The following EDA variants were observed in gnomAD, a reference collection of about 807,000 sequenced individuals.
The protein encoded by EDA is ectodysplasin A, also known as ectodysplasin-A.
EDA carries 2 observed loss-of-function variants against 23.6 expected under a neutral mutation model. That is an observed-to-expected ratio of 0.08 (90% CI 0.03 to 0.27). The LOEUF (loss-of-function observed/expected upper bound fraction) is 0.27. Ranked by LOEUF, EDA falls within the 10% of genes least tolerant of loss-of-function variation. The pLI is 1.00. For synonymous variants in EDA, 131 were observed against 132.0 expected (o/e 0.99, Z 0.05); for missense variants, 229 against 324.2 (o/e 0.71, Z 2.26).
intron 1 of EDA, among the ~76,000 whole-genome samples, chrX:69,679,605 T>C (rs1257848430): frequency 1.8e-5 from 2 of 112,054 alleles, no homozygotes; most frequent in Admixed American, 9.5e-5. Context: ...AGTGTATTTG[T>C]GTAGAGGTGT....
intron 2 of EDA, among the ~76,000 whole-genome samples, chrX:70,021,175 GT>G (rs981538803): frequency 8.9e-6 from 1 of 111,903 alleles, no homozygotes; most frequent in African/African-American, 3.3e-5. Flanking sequence ...CTATTCAACT[GT>G]AAGTTCTTGA....
intron 1 of EDA, among the ~76,000 whole-genome samples, chrX:69,789,563 G>A (rs572590818): frequency 2.7e-5 from 3 of 111,519 alleles, no homozygotes; most frequent in South Asian, 3.8e-4. Context: ...AAGCAATTTC[G>A]GGCTAAATTC....
At chrX:69,622,192 A>G (rs1319438763) in intron 1 of EDA, among the ~76,000 whole-genome samples, 2 of 112,277 alleles carry the variant, frequency 1.8e-5, no homozygotes, top group Non-Finnish European at 3.8e-5. Context: ...ATTATTATAC[A>G]TGTCTTTTGG....
chrX:69,676,479 T>A (rs1242751085), intron 1 of EDA, among the ~76,000 whole-genome samples: 4 of 89,786 alleles, frequency 4.5e-5, no homozygotes, highest in Non-Finnish European at 8.3e-5. Context: ...GAAGAATGAG[T>A]TTTTCTGTGT....
chrX:69,831,105 T>C (rs1202700218), intron 1 of EDA, among the ~76,000 whole-genome samples: 1 of 111,822 alleles, frequency 8.9e-6, no homozygotes, highest in East Asian at 2.8e-4. Flanking sequence ...AGGGTACATG[T>C]GCACAACGTA....
chrX:69,749,924 T>C lies in EDA; in HGVS notation c.396+133220T>C, dbSNP rs1327641334. On this transcript the variant is annotated intron_variant, in intron 1 of 7. Transcript: ENST00000374552. ...AGAAACTTCCTCTCACTAAGGTTCT[T>C]TTTTTTTTTTTTTTTTTTTTTTTTT... Among the ~76,000 whole-genome samples the C allele has an allele frequency of 4.3e-3, 225 of 52,378 alleles. 29 individuals are homozygous for C. Among genetic ancestry groups the C allele is most frequent in the South Asian group, 7.9e-3 (9 of 1,136 alleles). 45.5% of individuals were successfully genotyped at this position (52,378 alleles called of 115,157 possible). A position where few individuals can be genotyped will look rare whatever the true frequency, so the allele number is the denominator to read the frequency against.
chrX:69,800,950 G>T (rs1330597713), intron 1 of EDA, among the ~76,000 whole-genome samples: 1 of 111,127 alleles, frequency 9.0e-6, no homozygotes, highest in Non-Finnish European at 1.9e-5. Context: ...ATACTTGGAA[G>T]GTCATGCACA....
chrX:69,708,147 A>G (rs1259263483), intron 1 of EDA, among the ~76,000 whole-genome samples: 1 of 112,112 alleles, frequency 8.9e-6, no homozygotes, highest in Non-Finnish European at 1.9e-5. Context: ...TAAATTTAAC[A>G]GAGTTTAATT....
chrX:69,824,595 T>G (rs2016351348), intron 1 of EDA, among the ~76,000 whole-genome samples: 1 of 105,534 alleles, frequency 9.5e-6, no homozygotes. Context: ...AAGGAGATTT[T>G]GGGCTGAGAC....
At chrX:69,894,168 C>T (rs899697704) in intron 1 of EDA, among the ~76,000 whole-genome samples, 1 of 111,686 alleles carries the variant, frequency 9.0e-6, no homozygotes, top group East Asian at 2.8e-4. Flanking sequence ...AATAGGGAGT[C>T]TTTCCCCCAT....
chrX:70,028,925 T>C (rs1404434854), intron 4 of EDA, among the ~76,000 whole-genome samples: 1 of 112,688 alleles, frequency 8.9e-6, no homozygotes, highest in Non-Finnish European at 1.9e-5. Context: ...TCAGATTCTT[T>C]AACTTGTACT....
chrX:69,724,046 T>C (rs2012696223), intron 1 of EDA, among the ~76,000 whole-genome samples: 1 of 112,014 alleles, frequency 8.9e-6, no homozygotes, highest in African/African-American at 3.3e-5. Flanking sequence ...AGAAATATAA[T>C]TGAAATGGCA....
rs2020283162 is a variant in EDA at position 70,037,596 on chromosome X, C to A, written c.*1987C>A. ...ACCAGTTTAAGCCGCAGACCTGGAGCTTCAGCCAGGTCTGACTCCAAAGCT... is the reference window on the plus strand; with the variant it reads ...ACCAGTTTAAGCCGCAGACCTGGAGATTCAGCCAGGTCTGACTCCAAAGCT... On this transcript the variant is annotated 3_prime_UTR_variant, in exon 8 of 8. Coordinates refer to ENST00000374552, the MANE Select transcript of EDA (RefSeq NM_001399.5). 1 of 111,917 alleles carries A rather than the reference C, an allele frequency of 8.9e-6. No individual in the cohort carries two copies. The highest frequency in any genetic ancestry group is 1.9e-5 in the Non-Finnish European group (1 of 53,166). The allele number at this position is 111,917 out of a possible 1,213,427, so 9.2% of individuals were successfully genotyped here.
At chrX:69,747,953 GTGAGAGAAAA>G (rs1479606310) in intron 1 of EDA, among the ~76,000 whole-genome samples, 1 of 111,273 alleles carries the variant, frequency 9.0e-6, no homozygotes, top group African/African-American at 3.3e-5. Flanking sequence ...AAGGAGGGCA[GTGAGAGAAAA>G]TGAGAGAAAT....
intron 1 of EDA, among the ~76,000 whole-genome samples, chrX:69,757,853 C>T (rs1439023133): frequency 8.9e-6 from 1 of 112,234 alleles, no homozygotes; most frequent in African/African-American, 3.2e-5. Flanking sequence ...TATACCTGTC[C>T]TAATATATTT....
intron 1 of EDA, among the ~76,000 whole-genome samples, chrX:69,700,346 T>C (rs1460093115): frequency 4.5e-5 from 5 of 111,015 alleles, no homozygotes; most frequent in African/African-American, 1.6e-4. Flanking sequence ...GGCAAAGAGG[T>C]CTTGAGAATC....
Position 70,033,393 on chromosome X carries a change from C to T in EDA, c.794-5C>T. ...ACTGAGTGACTGCCCTTCTCTCATA[C>T]TGAGATCTTTCAGGTGGAGTGCTCA... is the stretch of plus-strand genomic sequence containing the variant. On this transcript the variant is annotated splice_region_variant and splice_polypyrimidine_tract_variant and intron_variant, in intron 6 of 7. Coordinates refer to ENST00000374552, the MANE Select transcript of EDA (RefSeq NM_001399.5). 1.7e-6 allele frequency: 2 copies of T among 1,212,066 alleles called. No homozygotes were observed. The highest frequency in any genetic ancestry group is 2.2e-6 in the Non-Finnish European group (2 of 895,496).
chrX:69,783,413 A>T (rs1360188917), intron 1 of EDA, among the ~76,000 whole-genome samples: 1 of 108,052 alleles, frequency 9.3e-6, no homozygotes, highest in African/African-American at 3.4e-5. Flanking sequence ...CATTAGGTGT[A>T]TCTCCTAATG....
chrX:70,022,334 T>TTTTA lies in EDA; in HGVS notation c.503-868_503-865dup, dbSNP rs765513268. Reference sequence around the variant, plus strand: ...TCTTATTTTATTTTATTTTATTTTATTTTATTTATTTATTTATTTTTGAGA... The same window carrying TTTTA: ...TCTTATTTTATTTTATTTTATTTTATTTTATTTATTTATTTATTTATTTTTGAGA... On this transcript the variant is annotated intron_variant, in intron 2 of 7. Transcript: ENST00000374552. Among the ~76,000 whole-genome samples the TTTTA allele has an allele frequency of 9.5e-3, 1,046 of 109,883 alleles. 18 individuals carry two copies. The highest frequency in any genetic ancestry group is 0.034 in the African/African-American group (1,011 of 30,085).
Sources: gnomAD v4.1 joint callset for allele counts (sites outside exome capture counted in the v4.1 genomes callset) on GRCh38, gnomAD v4.1.1 for gene constraint, MANE v1.5 for transcripts, NCBI Gene and HGNC (gene_info 2026-07-23, HGNC 2026-07-21) for gene names.